EMCN: variants seen among roughly 807,000 people sequenced by gnomAD.
The protein encoded by EMCN is MUC-14.
In EMCN, 37 loss-of-function variants were observed where a neutral mutation model predicts 38.4. That is an observed-to-expected ratio of 0.96 (90% CI 0.74 to 1.27). EMCN has a LOEUF of 1.27. Among genes scored for constraint, EMCN ranks in the 50% most tolerant of loss-of-function variants. The pLI, the probability that EMCN is intolerant of heterozygous loss-of-function variation, is 0.00. For synonymous variants in EMCN, 95 were observed against 100.8 expected (o/e 0.94, Z 0.35); for missense variants, 318 against 302.8 (o/e 1.05, Z -0.37).
chr4:100,400,636 T>TCC (rs1326402170), intron 11 of EMCN, among the ~76,000 whole-genome samples: 3 of 152,152 alleles, frequency 2.0e-5, no homozygotes, highest in Non-Finnish European at 2.9e-5. Flanking sequence ...GCCATACTCC[T>TCC]CCATAGATGA....
At chr4:100,512,368 G>T (rs1426552012) in intron 1 of EMCN, among the ~76,000 whole-genome samples, 1 of 152,086 alleles carries the variant, frequency 6.6e-6, no homozygotes, top group African/African-American at 2.4e-5. Context: ...GTGTGCAATG[G>T]TACAAAAAGG....
intron 11 of EMCN, among the ~76,000 whole-genome samples, chr4:100,405,040 C>T (rs530377270): frequency 2.0e-5 from 3 of 152,160 alleles, no homozygotes; most frequent in South Asian, 4.1e-4. Flanking sequence ...TATAGAAATG[C>T]TACTGAATTT....
At chr4:100,488,484 G>C (rs142206886) in intron 1 of EMCN, among the ~76,000 whole-genome samples, 1 of 152,284 alleles carries the variant, frequency 6.6e-6, no homozygotes, top group Non-Finnish European at 1.5e-5. Context: ...ATTTGAAACA[G>C]ACATTTGGAA....
chr4:100,498,544 C>G (rs1386322847), intron 1 of EMCN, among the ~76,000 whole-genome samples: 1 of 151,490 alleles, frequency 6.6e-6, no homozygotes, highest in Non-Finnish European at 1.5e-5. Flanking sequence ...TGCAGTGGCA[C>G]AATCTCAGCT....
intron 3 of EMCN, among the ~76,000 whole-genome samples, chr4:100,466,156 A>G (rs1728309843): frequency 2.0e-5 from 3 of 152,220 alleles, no homozygotes; most frequent in Admixed American, 2.0e-4. Context: ...TTGGAATAAG[A>G]TGACTTGAAA....
At chr4:100,417,654 C>T (rs1449518882) in intron 8 of EMCN, among the ~76,000 whole-genome samples, 2 of 152,134 alleles carry the variant, frequency 1.3e-5, no homozygotes, top group Non-Finnish European at 2.9e-5. Flanking sequence ...TCAAAAGAGC[C>T]CTGCAAAATG....
chr4:100,419,316 G>A (rs1487293709), intron 8 of EMCN, among the ~76,000 whole-genome samples: 1 of 152,060 alleles, frequency 6.6e-6, no homozygotes, highest in East Asian at 1.9e-4. Flanking sequence ...TACTTGAAGA[G>A]TGATTAACTG....
intron 2 of EMCN, among the ~76,000 whole-genome samples, 193 bp from the exon 3 acceptor site, chr4:100,475,302 T>TACACACAC (rs59162117): frequency 0.18 from 25,229 of 142,890 alleles, 2,359 homozygotes; most frequent in Middle Eastern, 0.26. Context: ...TTGGGTGGCC[T>TACACACAC]ACACACACAC....
At chr4:100,420,017 T>A (rs894419086) in intron 8 of EMCN, among the ~76,000 whole-genome samples, 3 of 152,130 alleles carry the variant, frequency 2.0e-5, no homozygotes, top group African/African-American at 7.2e-5. Flanking sequence ...AAATAATTGC[T>A]TTTTACCTTC....
In EMCN at chr4:100,460,911, T is replaced by A. The variant is rs541766081; in HGVS notation, c.376+4512A>T. Reference sequence around the variant, plus strand: ...GCATTTCTCCTAGGTTTTCTTCTAGTAGGTTTACAATTTAGGTCTTTTGAA... The same window carrying A: ...GCATTTCTCCTAGGTTTTCTTCTAGAAGGTTTACAATTTAGGTCTTTTGAA... On this transcript the variant is annotated intron_variant, in intron 4 of 11. Transcript: ENST00000296420. Among the ~76,000 whole-genome samples the A allele has an allele frequency of 3.9e-5, 6 of 152,294 alleles. No homozygotes were observed. The East Asian group carries it at 9.6e-4, about 24-fold the overall frequency.
At chr4:100,473,382 T>TTG (rs1728545444) in intron 3 of EMCN, among the ~76,000 whole-genome samples, 2 of 119,896 alleles carry the variant, frequency 1.7e-5, no homozygotes, top group Non-Finnish European at 1.7e-5. Flanking sequence ...TGTTTTTTTT[T>TTG]TTTGTTTTTT....
rs1167043763 is a variant in EMCN at position 100,410,288 on chromosome 4, A to G, written c.*33T>C. 3.1e-5 allele frequency: 49 copies of G among 1,605,314 alleles called. No individual in the cohort carries two copies. The highest frequency in any genetic ancestry group is 4.1e-5 in the Non-Finnish European group (48 of 1,172,198). On this transcript the variant is annotated 3_prime_UTR_variant, in exon 11 of 12. Transcript: ENST00000296420. ...ATGAAATTGGGAAACTTACGTAATT[A>G]TTGCCTAGGTGTGGAGAGAATTCCT... is the stretch of plus-strand genomic sequence containing the variant.
chr4:100,440,828 G>T (rs1236360507), intron 5 of EMCN, among the ~76,000 whole-genome samples: 3 of 152,060 alleles, frequency 2.0e-5, no homozygotes, highest in Non-Finnish European at 2.9e-5. Context: ...TAAAAGTGGG[G>T]TAATACCAGC....
At chr4:100,448,834 C>CTTT (rs1560619342) in intron 4 of EMCN, among the ~76,000 whole-genome samples, 5 of 143,122 alleles carry the variant, frequency 3.5e-5, no homozygotes, top group East Asian at 2.1e-4. Flanking sequence ...CTCCCTCCCT[C>CTTT]CCTCCCTCCC....
chr4:100,419,124 G>T (rs1000154506), intron 8 of EMCN, among the ~76,000 whole-genome samples: 1 of 152,060 alleles, frequency 6.6e-6, no homozygotes, highest in Non-Finnish European at 1.5e-5. Context: ...CTCATTAGCA[G>T]ATAGATGCAA....
intron 4 of EMCN, among the ~76,000 whole-genome samples, chr4:100,460,593 T>G (rs764003524): frequency 2.0e-5 from 3 of 152,234 alleles, no homozygotes; most frequent in East Asian, 1.9e-4. Flanking sequence ...CTCATGAAAC[T>G]TATTCACTGT....
chr4:100,408,318 T>C (rs1726452761), intron 11 of EMCN, among the ~76,000 whole-genome samples: 3 of 152,170 alleles, frequency 2.0e-5, no homozygotes, highest in South Asian at 4.1e-4. Context: ...TTTCAGGAGT[T>C]CTTGAGCTGG....
intron 1 of EMCN, among the ~76,000 whole-genome samples, chr4:100,510,651 T>C (rs1287499846): frequency 2.6e-5 from 4 of 152,176 alleles, no homozygotes; most frequent in African/African-American, 4.8e-5. Context: ...CTTGTAGAGA[T>C]ATTGCAAGAA....
intron 4 of EMCN, among the ~76,000 whole-genome samples, chr4:100,454,416 T>C (rs1266283530): frequency 6.6e-6 from 1 of 152,018 alleles, no homozygotes; most frequent in Non-Finnish European, 1.5e-5. Context: ...ATATAGTCAA[T>C]GATAAACGTA....
Sources: allele counts gnomAD v4.1 joint callset (sites outside exome capture counted in the v4.1 genomes callset), GRCh38; gene constraint gnomAD v4.1.1; transcripts MANE v1.5; gene names NCBI Gene and HGNC (gene_info 2026-07-23, HGNC 2026-07-21).